REDIC1: variants seen among roughly 807,000 people sequenced by gnomAD.
The protein encoded by REDIC1 is regulator of DNA class I crossover intermediates 1.
chr12:39,896,223 T>C, the REDIC1 span, among the ~76,000 whole-genome samples: 1 of 148,318 alleles, frequency 6.7e-6, no homozygotes, highest in Non-Finnish European at 1.5e-5. Flanking sequence ...TACGTATACA[T>C]ATATGCATAT....
chr12:39,643,881 A>T, the REDIC1 span: 1 of 1,565,900 alleles, frequency 6.4e-7, no homozygotes, highest in Non-Finnish European at 8.7e-7. Context: ...TAACCTATAT[A>T]TGGTAAATCA....
At chr12:39,711,839 G>A in the REDIC1 span, among the ~76,000 whole-genome samples, 1 of 67,446 alleles carries the variant, frequency 1.5e-5, no homozygotes, top group Non-Finnish European at 2.9e-5. Context: ...GTATATGTGT[G>A]TATACACATG....
At chr12:39,790,544 T>G in the REDIC1 span, among the ~76,000 whole-genome samples, 1 of 149,818 alleles carries the variant, frequency 6.7e-6, no homozygotes, top group South Asian at 2.2e-4. Flanking sequence ...ACAAAGGACA[T>G]GAACTCATCC....
chr12:39,668,184 T>A, the REDIC1 span, among the ~76,000 whole-genome samples: 1 of 152,200 alleles, frequency 6.6e-6, no homozygotes, highest in Non-Finnish European at 1.5e-5. Context: ...CAATTAGGCA[T>A]GTTTTTGCAG....
the REDIC1 span, among the ~76,000 whole-genome samples, chr12:39,866,535 G>T: frequency 1.3e-5 from 2 of 152,114 alleles, no homozygotes; most frequent in Non-Finnish European, 2.9e-5. Context: ...TTGGAGTGCA[G>T]TGGCGCGATC....
the REDIC1 span, chr12:39,716,912 A>G: frequency 2.1e-6 from 2 of 971,374 alleles, no homozygotes; most frequent in Non-Finnish European, 1.4e-6. Flanking sequence ...GTTTACCTTT[A>G]CCCTATAAAA....
chr12:39,701,325 C>A, the REDIC1 span, among the ~76,000 whole-genome samples: 1 of 151,980 alleles, frequency 6.6e-6, no homozygotes, highest in Non-Finnish European at 1.5e-5. Context: ...CAACAGAGAT[C>A]AAAAGAGACA....
At chr12:39,845,571 T>A in the REDIC1 span, among the ~76,000 whole-genome samples, 1 of 152,192 alleles carries the variant, frequency 6.6e-6, no homozygotes, top group South Asian at 2.1e-4. Flanking sequence ...CAAAGTGAGT[T>A]TTTACTGAAG....
At chr12:39,770,387 G>A in the REDIC1 span, among the ~76,000 whole-genome samples, 2 of 152,128 alleles carry the variant, frequency 1.3e-5, no homozygotes, top group African/African-American at 2.4e-5. Context: ...GCAGCATGGG[G>A]CTGCTCTGAG....
chr12:39,896,360 GTATA>G, the REDIC1 span, among the ~76,000 whole-genome samples: 1 of 138,062 alleles, frequency 7.2e-6, no homozygotes, highest in Non-Finnish European at 1.5e-5. Flanking sequence ...ATGTATATGT[GTATA>G]TATGTATACA....
chr12:39,669,688 C>T, the REDIC1 span, among the ~76,000 whole-genome samples: 14 of 152,206 alleles, frequency 9.2e-5, no homozygotes, highest in South Asian at 2.1e-4. Flanking sequence ...CCTTGAGCTG[C>T]GGTGGGCTCC....
the REDIC1 span, among the ~76,000 whole-genome samples, chr12:39,814,437 T>C: frequency 6.6e-6 from 1 of 152,198 alleles, no homozygotes; most frequent in Non-Finnish European, 1.5e-5. Flanking sequence ...CTGATCTTTA[T>C]TGTATCAAGT....
the REDIC1 span, among the ~76,000 whole-genome samples, chr12:39,751,890 C>T: frequency 1.3e-5 from 2 of 151,982 alleles, no homozygotes; most frequent in Non-Finnish European, 2.9e-5. Flanking sequence ...CATCACACAC[C>T]AGGGCCTGTT....
the REDIC1 span, among the ~76,000 whole-genome samples, chr12:39,702,247 G>C: frequency 6.6e-6 from 1 of 151,846 alleles, no homozygotes; most frequent in Non-Finnish European, 1.5e-5. Flanking sequence ...AATGATAAAG[G>C]GGATATCACC....
the REDIC1 span, among the ~76,000 whole-genome samples, chr12:39,903,674 G>GCT: frequency 6.6e-6 from 1 of 152,084 alleles, no homozygotes; most frequent in Non-Finnish European, 1.5e-5. Flanking sequence ...CTGATAACAA[G>GCT]GATATATATA....
the REDIC1 span, among the ~76,000 whole-genome samples, chr12:39,880,674 C>A: frequency 6.6e-6 from 1 of 151,980 alleles, no homozygotes; most frequent in Admixed American, 6.6e-5. Context: ...GAAAATGTGC[C>A]AATGGAACTT....
the REDIC1 span, among the ~76,000 whole-genome samples, chr12:39,839,775 T>C: frequency 5.4e-4 from 82 of 152,208 alleles, no homozygotes; most frequent in African/African-American, 2.0e-3. Flanking sequence ...ATGACCTCTT[T>C]CTTTCCTTTG....
At chr12:39,756,851 T>C in the REDIC1 span, 12 of 151,736 alleles carry the variant, frequency 7.9e-5, no homozygotes, top group Non-Finnish European at 1.8e-4. Context: ...AAAATCAGGT[T>C]CAGTGGTAAA....
the REDIC1 span, among the ~76,000 whole-genome samples, chr12:39,713,252 ACATACGTG>A: frequency 1.1e-5 from 1 of 95,052 alleles, no homozygotes; most frequent in Admixed American, 1.1e-4. Flanking sequence ...GTGTACACAC[ACATACGTG>A]TATATATGTG....
Sources: gnomAD v4.1 joint callset for allele counts (sites outside exome capture counted in the v4.1 genomes callset) on GRCh38, gnomAD v4.1.1 for gene constraint, MANE v1.5 for transcripts, NCBI Gene and HGNC (gene_info 2026-07-23, HGNC 2026-07-21) for gene names.